PPP2R5E: variants seen among roughly 807,000 people sequenced by gnomAD.
PPP2R5E encodes serine/threonine-protein phosphatase 2A 56 kDa regulatory subunit epsilon isoform.
A neutral mutation model predicts 65.3 loss-of-function variants in PPP2R5E; 4 were observed. That is an observed-to-expected ratio of 0.06 (90% CI 0.03 to 0.14). The LOEUF (loss-of-function observed/expected upper bound fraction) is 0.14, where lower values mean the gene tolerates loss of function less well. Ranked by LOEUF, PPP2R5E falls within the 10% of genes least tolerant of loss-of-function variation. The pLI, the probability that PPP2R5E is intolerant of heterozygous loss-of-function variation, is 1.00. For synonymous variants in PPP2R5E, 183 were observed against 187.4 expected, an observed-to-expected ratio of 0.98 and a Z score of 0.19; for missense variants, 274 against 556.1, an observed-to-expected ratio of 0.49 and a Z score of 5.10.
At chr14:63,483,089 G>A (rs1455968103) in intron 2 of PPP2R5E, among the ~76,000 whole-genome samples, 1 of 152,152 alleles carries the variant, frequency 6.6e-6, no homozygotes, top group Non-Finnish European at 1.5e-5. Flanking sequence ...CAGATTGCTT[G>A]AGCCCAGGAG....
chr14:63,423,859 C>T (rs1887177400), intron 3 of PPP2R5E, among the ~76,000 whole-genome samples: 3 of 152,194 alleles, frequency 2.0e-5, no homozygotes, highest in South Asian at 2.1e-4. Context: ...GTTAAAGCCA[C>T]AATTATCCCC....
intron 3 of PPP2R5E, among the ~76,000 whole-genome samples, chr14:63,441,908 T>TAA (rs11291949): frequency 3.7e-5 from 5 of 133,638 alleles, no homozygotes; most frequent in African/African-American, 1.3e-4. Flanking sequence ...AGACTCCGTC[T>TAA]AAAAAAAAAA....
At chr14:63,437,388 C>A (rs1257364779) in intron 3 of PPP2R5E, among the ~76,000 whole-genome samples, 1 of 152,180 alleles carries the variant, frequency 6.6e-6, no homozygotes, top group Non-Finnish European at 1.5e-5. Flanking sequence ...ACCCCAAATT[C>A]TTTCTTACAT....
chr14:63,447,491 G>A (rs1322118830), intron 3 of PPP2R5E, among the ~76,000 whole-genome samples: 2 of 152,256 alleles, frequency 1.3e-5, no homozygotes, highest in African/African-American at 4.8e-5. Flanking sequence ...TACAACTGAA[G>A]AGAGCCAAGG....
intron 2 of PPP2R5E, among the ~76,000 whole-genome samples, chr14:63,533,033 C>T (rs965069164): frequency 6.6e-6 from 1 of 151,956 alleles, no homozygotes; most frequent in African/African-American, 2.4e-5. Context: ...GACAGGCCTG[C>T]TATGTTGCAC....
chr14:63,462,901 G>C (rs1319553813), intron 2 of PPP2R5E, among the ~76,000 whole-genome samples: 1 of 151,716 alleles, frequency 6.6e-6, no homozygotes, highest in African/African-American at 2.4e-5. Context: ...TCGGGAGTTC[G>C]AGACCAGCCT....
rs1197823150 is a variant in PPP2R5E, at chr14:63,373,091, A to G, written c.*2918T>C. 1 of 152,156 alleles carries G rather than the reference A, an allele frequency of 6.6e-6. No individual in the cohort carries two copies. The highest frequency in any genetic ancestry group is 1.5e-5 in the Non-Finnish European group (1 of 68,028). The allele number at this position is 152,156 out of a possible 1,614,324, so 9.4% of individuals were successfully genotyped here. A position where few individuals can be genotyped will look rare whatever the true frequency, so the allele number is the denominator to read the frequency against. ...AAGTATGAGATGGGTGAATTCACTC[A>G]CATAGTTGTTCTAGGCCCACAGCCT... On this transcript the variant is annotated 3_prime_UTR_variant, in exon 14 of 14. Coordinates refer to ENST00000337537, the MANE Select transcript of PPP2R5E (RefSeq NM_006246.5).
chr14:63,391,062 AATGAGT>A (rs1884989847), intron 10 of PPP2R5E, among the ~76,000 whole-genome samples: 1 of 152,204 alleles, frequency 6.6e-6, no homozygotes. Context: ...CATGCTTTAA[AATGAGT>A]ATTTGGGCAG....
intron 2 of PPP2R5E, among the ~76,000 whole-genome samples, chr14:63,462,719 G>T (rs953376025): frequency 6.6e-6 from 1 of 151,940 alleles, no homozygotes; most frequent in Non-Finnish European, 1.5e-5. Flanking sequence ...AAAGAATAGA[G>T]GAAAAGGCTT....
intron 2 of PPP2R5E, among the ~76,000 whole-genome samples, chr14:63,458,934 A>C (rs17101207): frequency 0.3 from 45,527 of 151,988 alleles, 8,501 homozygotes; most frequent in African/African-American, 0.53. Context: ...CAACTTTCAC[A>C]AAAAATAATA....
chr14:63,385,680 G>A (rs1222998210), intron 11 of PPP2R5E, among the ~76,000 whole-genome samples: 1 of 151,932 alleles, frequency 6.6e-6, no homozygotes, highest in African/African-American at 2.4e-5. Context: ...CACCATCCCA[G>A]AAGGAGATAC....
chr14:63,378,503 C>A (rs1388628420), intron 13 of PPP2R5E, among the ~76,000 whole-genome samples: 1 of 152,164 alleles, frequency 6.6e-6, no homozygotes, highest in Non-Finnish European at 1.5e-5. Flanking sequence ...TGTTTTTGAT[C>A]AAATATGGCA....
intron 2 of PPP2R5E, chr14:63,508,187 C>T: frequency 1.0e-6 from 1 of 985,642 alleles, no homozygotes; most frequent in Non-Finnish European, 1.2e-6. Context: ...GTGCTCTTCC[C>T]TCCTCGCACA....
At chr14:63,514,696 C>G (rs1892595503) in intron 2 of PPP2R5E, among the ~76,000 whole-genome samples, 1 of 152,128 alleles carries the variant, frequency 6.6e-6, no homozygotes, top group South Asian at 2.1e-4. Flanking sequence ...GGGGCACTAT[C>G]CTAGACAGCA....
intron 2 of PPP2R5E, among the ~76,000 whole-genome samples, chr14:63,475,079 G>A (rs774833024): frequency 2.6e-5 from 4 of 152,208 alleles, no homozygotes; most frequent in Non-Finnish European, 5.9e-5. Flanking sequence ...TCAGTGAAGC[G>A]ATGATCAAGG....
intron 2 of PPP2R5E, among the ~76,000 whole-genome samples, chr14:63,483,139 T>C (rs1203664467): frequency 2.0e-5 from 3 of 152,140 alleles, no homozygotes; most frequent in South Asian, 2.1e-4. Flanking sequence ...ATCTCATCTG[T>C]ACTTTAAAAA....
chr14:63,426,572 A>G (rs1887344935), intron 3 of PPP2R5E, among the ~76,000 whole-genome samples: 1 of 152,142 alleles, frequency 6.6e-6, no homozygotes, highest in Admixed American at 6.6e-5. Context: ...AGCATACGTT[A>G]AAGATATACA....
chr14:63,412,423 C>T (rs148955063), intron 5 of PPP2R5E, among the ~76,000 whole-genome samples: 2 of 152,290 alleles, frequency 1.3e-5, no homozygotes, highest in East Asian at 3.9e-4. Flanking sequence ...CCTAAAGTCA[C>T]GACAAGGGAA....
At chr14:63,420,914 G>A (rs945470077) in intron 4 of PPP2R5E, among the ~76,000 whole-genome samples, 1 of 129,790 alleles carries the variant, frequency 7.7e-6, no homozygotes, top group Non-Finnish European at 1.6e-5. Flanking sequence ...TTAGCCGGGC[G>A]TAGTGGCGGG....
Sources: gnomAD v4.1 joint callset for allele counts (sites outside exome capture counted in the v4.1 genomes callset) on GRCh38, gnomAD v4.1.1 for gene constraint, MANE v1.5 for transcripts, NCBI Gene and HGNC (gene_info 2026-07-23, HGNC 2026-07-21) for gene names.